NOSIP: variants seen among roughly 807,000 people sequenced by gnomAD.
NOSIP encodes nitric oxide synthase interacting protein.
A neutral mutation model predicts 36.4 loss-of-function variants in NOSIP; 25 were observed. The observed-to-expected ratio is 0.69, with a 90% CI of 0.50 to 0.96. The LOEUF is 0.96. Ranked by LOEUF, NOSIP falls within the 40% of genes least tolerant of loss-of-function variation. The pLI, the probability that NOSIP is intolerant of heterozygous loss-of-function variation, is 0.00. For missense variants in NOSIP, 370 were observed against 429.0 expected (o/e 0.86, Z 1.21); for synonymous variants, 187 against 179.2 (o/e 1.04, Z -0.35).
At chr19:49,575,223 T>G (rs1235736450) in intron 1 of NOSIP, among the ~76,000 whole-genome samples, 9 of 152,160 alleles carry the variant, frequency 5.9e-5, no homozygotes, top group Admixed American at 5.9e-4. Context: ...GGTCTTGAAC[T>G]CCTGATCTCA....
At chr19:49,575,902 C>T (rs913946995) in intron 1 of NOSIP, among the ~76,000 whole-genome samples, 1 of 152,092 alleles carries the variant, frequency 6.6e-6, no homozygotes, top group African/African-American at 2.4e-5. Context: ...GAGGCCAAGG[C>T]GGGCAGATCG....
At chr19:49,558,825 A>G in intron 4 of NOSIP, 72 bp downstream of exon 4, 1 of 1,205,650 alleles carries the variant, frequency 8.3e-7, no homozygotes, top group Non-Finnish European at 1.2e-6. Context: ...GAGGGCTCTG[A>G]GTGGCTCTGC....
rs2080309335 is a variant in NOSIP at position 49,559,978 on chromosome 19, G to T, written c.132C>A (p.Asp44Glu). Reference sequence around the variant, plus strand: ...AAGGCTGCAGGGAGAGACAACAGCAGTCGAAGTCCTTCACGGCATCCCGGC... The same window carrying T: ...AAGGCTGCAGGGAGAGACAACAGCATTCGAAGTCCTTCACGGCATCCCGGC... ...RLSRDAVKDF[D>E]CCCLSLQPCH... Residue 44 changes from aspartate to glutamate, a missense_variant, in exon 3 of 9, where the codon GAC becomes GAA. Physicochemically the swap from Asp to Glu is conservative, Grantham distance 45. This residue lies in a region of NOSIP where 315 missense variants were observed against 331.9 expected (regional missense o/e 0.95). Transcript: ENST00000596358. 1.2e-6 allele frequency: 2 copies of T among 1,613,868 alleles called. No individual in the cohort carries two copies.
chr19:49,558,797 C>T lies in NOSIP; in HGVS notation c.258+100G>A. ...CAGGGGAGGGGAATGGTGTACCAGG[C>T]AGAGGGAACTGAGATCAGAGGGCTC... is the stretch of plus-strand genomic sequence containing the variant. On this transcript the variant is annotated intron_variant, in intron 4 of 8. Transcript: ENST00000596358. 5 of 957,822 alleles carry T rather than the reference C, an allele frequency of 5.2e-6. No homozygotes were observed. The South Asian group carries it at 6.6e-5, about 13-fold the overall frequency. 59.3% of individuals were successfully genotyped at this position (957,822 alleles called of 1,614,324 possible).
chr19:49,564,405 G>C (rs2080375906), intron 1 of NOSIP, among the ~76,000 whole-genome samples: 1 of 127,394 alleles, frequency 7.8e-6, no homozygotes, highest in African/African-American at 3.0e-5. Flanking sequence ...AGTGAGCCAA[G>C]ATCACGCCAC....
At chr19:49,561,679 C>A (rs1377306756) in intron 1 of NOSIP, among the ~76,000 whole-genome samples, 1 of 152,022 alleles carries the variant, frequency 6.6e-6, no homozygotes, top group Non-Finnish European at 1.5e-5. Context: ...TTCAGGAGTT[C>A]AAGATCAGCC....
intron 1 of NOSIP, among the ~76,000 whole-genome samples, chr19:49,578,522 C>T (rs1242570917): frequency 1.3e-5 from 2 of 151,982 alleles, no homozygotes; most frequent in African/African-American, 2.4e-5. Context: ...AAAATGAGGC[C>T]GGGCTCAATG....
At chr19:49,564,187 C>T (rs1380509400) in intron 1 of NOSIP, among the ~76,000 whole-genome samples, 1 of 152,150 alleles carries the variant, frequency 6.6e-6, no homozygotes, top group Non-Finnish European at 1.5e-5. Context: ...AGCACCGTGG[C>T]TTACACCTGT....
Position 49,555,701 on chromosome 19 carries a change from CG to C in NOSIP, c.*49del. 6.5e-7 allele frequency: 1 copy of C among 1,531,344 alleles called. No individual in the cohort carries two copies. Among genetic ancestry groups the C allele is most frequent in the Non-Finnish European group, 9.0e-7 (1 of 1,107,426 alleles). The allele number at this position is 1,531,344 out of a possible 1,614,324, so 94.9% of individuals were successfully genotyped here. A position where few individuals can be genotyped will look rare whatever the true frequency, so the allele number is the denominator to read the frequency against. On this transcript the variant is annotated 3_prime_UTR_variant, in exon 9 of 9. Coordinates refer to ENST00000596358, the MANE Select transcript of NOSIP (RefSeq NM_001270960.2). Reference sequence around the variant, plus strand: ...GGGGCGCCCACGCCGCGAATGAAGGCGCCACGTCGTTGCGCACCCAAGCCGG... The same window carrying C: ...GGGGCGCCCACGCCGCGAATGAAGGCCCACGTCGTTGCGCACCCAAGCCGG...
chr19:49,557,258 G>A lies in NOSIP; in HGVS notation c.259-9C>T, dbSNP rs962200957. 3.8e-6 allele frequency: 6 copies of A among 1,572,466 alleles called. No homozygotes were observed. Among genetic ancestry groups the A allele is most frequent in the African/African-American group, 1.3e-5 (1 of 74,268 alleles). On this transcript the variant is annotated splice_polypyrimidine_tract_variant and intron_variant, in intron 4 of 8. Transcript: ENST00000596358. ...CGCTGCTTCTCGTAGGCCTGCGTCG[G>A]GGAAAGTGGGCTGAGCATCTGCCCG...
At chr19:49,567,777 T>G (rs2080430691) in intron 1 of NOSIP, among the ~76,000 whole-genome samples, 1 of 152,186 alleles carries the variant, frequency 6.6e-6, no homozygotes, top group African/African-American at 2.4e-5. Flanking sequence ...GTTCAAGCGA[T>G]TCTCCTGCCT....
chr19:49,555,973 T>C, intron 8 of NOSIP, 151 bp from the exon 9 acceptor site: 1 of 601,950 alleles, frequency 1.7e-6, no homozygotes, highest in Admixed American at 2.8e-5. Flanking sequence ...GCGACCGCAG[T>C]GGGTACGGAT....
chr19:49,563,988 G>A (rs1482926287), intron 1 of NOSIP, among the ~76,000 whole-genome samples: 1 of 152,148 alleles, frequency 6.6e-6, no homozygotes, highest in African/African-American at 2.4e-5. Context: ...CAGTCTGCAA[G>A]GTCAAAACTG....
intron 1 of NOSIP, among the ~76,000 whole-genome samples, chr19:49,568,925 C>T (rs2080448093): frequency 1.3e-5 from 2 of 151,248 alleles, no homozygotes. Flanking sequence ...GCCTCAGCCT[C>T]CTGAGTAGCT....
chr19:49,568,823 A>C (rs1367151859), intron 1 of NOSIP, among the ~76,000 whole-genome samples: 1 of 118,338 alleles, frequency 8.5e-6, no homozygotes, highest in African/African-American at 3.8e-5. Flanking sequence ...TTTTTTTTTG[A>C]GACAGAGTCT....
At position 49,559,938 on chromosome 19, in the gene NOSIP, C is replaced by T; in HGVS notation, c.172G>A (p.Val58Ile). The T allele has an allele frequency of 6.2e-7, 1 of 1,610,710 alleles. No individual in the cohort carries two copies. Among genetic ancestry groups the T allele is most frequent in the South Asian group, 1.1e-5 (1 of 90,860 alleles). Residue 58 changes from valine (V) to isoleucine (I), a missense_variant, in exon 3 of 9, where the codon GTC (valine) becomes ATC (isoleucine). Physicochemically the swap from Val to Ile is conservative, Grantham distance 29 (BLOSUM62 3). Coordinates refer to ENST00000596358, the MANE Select transcript of NOSIP (RefSeq NM_001270960.2). Reference protein sequence around the residue: ...LSLQPCHDPVVTPDGYLYERE... With the variant: ...LSLQPCHDPVITPDGYLYERE... Reference sequence around the variant, plus strand: ...CCATCCCTGTTCCCAGCTCACGTGACAACAGGATCGTGGCAAGGCTGCAGG... The same window carrying T: ...CCATCCCTGTTCCCAGCTCACGTGATAACAGGATCGTGGCAAGGCTGCAGG...
Position 49,557,013 on chromosome 19 carries a change from C to T in NOSIP, c.419-20G>A, listed in dbSNP as rs2080259871. On this transcript the variant is annotated intron_variant, in intron 5 of 8. Coordinates refer to ENST00000596358, the MANE Select transcript of NOSIP (RefSeq NM_001270960.2). Reference sequence around the variant, plus strand: ...CATCATCTGTGGGGGAAGGAAGGGACTCAGATGCCGCCCCCTGGGCCCGCC... The same window carrying T: ...CATCATCTGTGGGGGAAGGAAGGGATTCAGATGCCGCCCCCTGGGCCCGCC... 2 of 1,598,590 alleles carry T rather than the reference C, an allele frequency of 1.3e-6. No individual in the cohort carries two copies. The highest frequency in any genetic ancestry group is 1.3e-5 in the African/African-American group (1 of 74,702).
intron 1 of NOSIP, among the ~76,000 whole-genome samples, chr19:49,571,366 AAT>A (rs573361643): frequency 5.9e-5 from 9 of 152,116 alleles, no homozygotes; most frequent in Non-Finnish European, 1.3e-4. Flanking sequence ...AGGGTGGAAG[AAT>A]AGCCAGTTTC....
chr19:49,575,787 T>C (rs2080543951), intron 1 of NOSIP, among the ~76,000 whole-genome samples: 2 of 152,174 alleles, frequency 1.3e-5, no homozygotes, highest in Non-Finnish European at 2.9e-5. Context: ...CACATATAAT[T>C]GTCATAGGTC....
Sources: gnomAD v4.1 joint callset for allele counts (sites outside exome capture counted in the v4.1 genomes callset) on GRCh38, gnomAD v4.1.1 for gene constraint, gnomAD v4.1.1 regional missense constraint, MANE v1.5 for transcripts, NCBI Gene and HGNC (gene_info 2026-07-23, HGNC 2026-07-21) for gene names.